AGBL4: variants seen among roughly 807,000 people sequenced by gnomAD.
The protein encoded by AGBL4 is AGBL carboxypeptidase 4.
Under a neutral mutation model 66.4 loss-of-function variants are expected in AGBL4, and 58 were observed. That is an observed-to-expected ratio of 0.87 (90% confidence interval 0.71 to 1.09). AGBL4 has a LOEUF of 1.09. AGBL4 is among the 50% of genes least tolerant of loss of function. AGBL4 has a pLI of 0.00. For missense variants in AGBL4, 579 were observed against 631.0 expected, an observed-to-expected ratio of 0.92 and a Z score of 0.88; for synonymous variants, 234 against 222.9, an observed-to-expected ratio of 1.05 and a Z score of -0.44.
chr1:49,009,453 G>A (rs1571221118), intron 5 of AGBL4, among the ~76,000 whole-genome samples: 2 of 149,830 alleles, frequency 1.3e-5, no homozygotes, highest in African/African-American at 4.8e-5. Context: ...AGAGGTACAA[G>A]GAGGAACTGG....
intron 1 of AGBL4, among the ~76,000 whole-genome samples, chr1:49,893,414 G>A (rs541879032): frequency 3.9e-5 from 6 of 152,118 alleles, no homozygotes; most frequent in African/African-American, 1.4e-4. Flanking sequence ...CACAAAGTAG[G>A]CTCTTGAGGG....
In AGBL4 at chr1:49,975,521, T is replaced by C. The variant is rs1056402942; in HGVS notation, c.34+48242A>G. On this transcript the variant is annotated intron_variant, in intron 1 of 13. Transcript: ENST00000371839. ...TTGACATAATAGTCAGGAAAGGTTC[T>C]ACCTATCTAAAATTTTAACACTTTC... Among the ~76,000 whole-genome samples, 3 of 152,190 alleles carry C rather than the reference T, an allele frequency of 2.0e-5. No homozygotes were observed. The East Asian group carries it at 5.8e-4, about 29-fold the overall frequency.
intron 2 of AGBL4, among the ~76,000 whole-genome samples, chr1:49,843,649 T>A (rs1212315201): frequency 6.6e-6 from 1 of 152,322 alleles, no homozygotes; most frequent in South Asian, 2.1e-4. Flanking sequence ...TATCTTAATG[T>A]CAGCTGATTA....
intron 6 of AGBL4, among the ~76,000 whole-genome samples, chr1:48,779,704 C>CTTTTTTTTTTTTTT (rs200375125): frequency 3.6e-5 from 5 of 137,182 alleles, no homozygotes; most frequent in Admixed American, 7.2e-5. Flanking sequence ...CTGTTCCTCT[C>CTTTTTTTTTTTTTT]TTTTTTTTTT....
intron 2 of AGBL4, among the ~76,000 whole-genome samples, chr1:49,700,660 T>A (rs1480311354): frequency 6.6e-6 from 1 of 152,250 alleles, no homozygotes; most frequent in African/African-American, 2.4e-5. Flanking sequence ...TCATACTGCA[T>A]GTGTTCTCTC....
chr1:48,721,602 G>C (rs1269752114), intron 6 of AGBL4, among the ~76,000 whole-genome samples: 1 of 152,174 alleles, frequency 6.6e-6, no homozygotes, highest in South Asian at 2.1e-4. Context: ...CAATCAGTGT[G>C]GGGGTGACCC....
At chr1:49,770,898 C>T (rs1018243379) in intron 2 of AGBL4, among the ~76,000 whole-genome samples, 4 of 151,858 alleles carry the variant, frequency 2.6e-5, no homozygotes, top group Non-Finnish European at 4.4e-5. Context: ...TGGGTCTTTC[C>T]TCTTTTTCTC....
intron 6 of AGBL4, among the ~76,000 whole-genome samples, chr1:48,668,214 G>A (rs397260): frequency 0.57 from 87,340 of 151,950 alleles, 25,292 homozygotes; most frequent in Middle Eastern, 0.68. Flanking sequence ...TGTAGCAACA[G>A]CAGCATGGTT....
At chr1:49,934,824 C>G (rs1005798962) in intron 1 of AGBL4, among the ~76,000 whole-genome samples, 1 of 114,230 alleles carries the variant, frequency 8.8e-6, no homozygotes, top group African/African-American at 2.9e-5. Flanking sequence ...ATCAGAGATA[C>G]AAAAAAAAAA....
intron 4 of AGBL4, among the ~76,000 whole-genome samples, chr1:49,124,933 G>A (rs563934631): frequency 1.3e-5 from 2 of 152,210 alleles, no homozygotes; most frequent in East Asian, 1.9e-4. Flanking sequence ...GGCTCAAAGA[G>A]TATGTTTGCT....
chr1:49,473,896 C>G (rs940716254), intron 3 of AGBL4, among the ~76,000 whole-genome samples: 2 of 151,994 alleles, frequency 1.3e-5, no homozygotes, highest in Admixed American at 1.3e-4. Flanking sequence ...GTATCCTTTC[C>G]CAGTTGTTTA....
At chr1:48,983,973 G>A (rs1240624947) in intron 5 of AGBL4, among the ~76,000 whole-genome samples, 1 of 152,106 alleles carries the variant, frequency 6.6e-6, no homozygotes, top group Non-Finnish European at 1.5e-5. Context: ...CAGCAAGGAA[G>A]GACTGAGGAC....
intron 4 of AGBL4, among the ~76,000 whole-genome samples, chr1:49,058,540 G>A (rs1185731868): frequency 5.9e-5 from 9 of 152,170 alleles, no homozygotes; most frequent in Non-Finnish European, 8.8e-5. Context: ...ACCCAGTTTT[G>A]TGTATTTCTT....
intron 3 of AGBL4, among the ~76,000 whole-genome samples, chr1:49,633,438 C>T (rs1645609383): frequency 6.6e-6 from 1 of 152,052 alleles, no homozygotes; most frequent in Non-Finnish European, 1.5e-5. Context: ...TCCAGAAAGA[C>T]TCAAATTAGA....
chr1:48,524,251 T>G, the AGBL4 span, among the ~76,000 whole-genome samples: 1 of 152,182 alleles, frequency 6.6e-6, no homozygotes, highest in Non-Finnish European at 1.5e-5. Flanking sequence ...GAGAACTACC[T>G]CTCACTTCTT....
chr1:49,832,082 G>C (rs1211405717), intron 2 of AGBL4, among the ~76,000 whole-genome samples: 2 of 151,666 alleles, frequency 1.3e-5, no homozygotes, highest in South Asian at 2.1e-4. Flanking sequence ...TGCCATGCTG[G>C]TGTGCTGCAC....
At chr1:49,463,799 C>T (rs1349887442) in intron 3 of AGBL4, among the ~76,000 whole-genome samples, 2 of 151,742 alleles carry the variant, frequency 1.3e-5, no homozygotes, top group African/African-American at 4.8e-5. Context: ...AACCTCATTT[C>T]AACTGAGTGT....
At chr1:49,085,048 G>A (rs945813036) in intron 4 of AGBL4, among the ~76,000 whole-genome samples, 5 of 152,194 alleles carry the variant, frequency 3.3e-5, no homozygotes, top group Non-Finnish European at 7.4e-5. Context: ...GTATTTGTCA[G>A]GGTATTTTCA....
At chr1:49,256,637 G>A (rs149565744) in intron 3 of AGBL4, among the ~76,000 whole-genome samples, 2,351 of 152,268 alleles carry the variant, frequency 0.015, 29 homozygotes, top group Non-Finnish European at 0.024. Flanking sequence ...GTGTCTATGT[G>A]TGTTTATGCA....
Sources: gnomAD v4.1 joint callset for allele counts (sites outside exome capture counted in the v4.1 genomes callset) on GRCh38, gnomAD v4.1.1 for gene constraint, MANE v1.5 for transcripts, NCBI Gene and HGNC (gene_info 2026-07-23, HGNC 2026-07-21) for gene names.